Variants in SH3BP4 observed in about 807,000 individuals in gnomAD.
SH3BP4 encodes SH3 domain-binding protein 4.
Under a neutral mutation model 65.5 loss-of-function variants are expected in SH3BP4, and 33 were observed. The ratio of observed to expected loss-of-function variants is 0.50; its 90% CI spans 0.38 to 0.67. SH3BP4 has a LOEUF of 0.67. SH3BP4 is among the 30% of genes least tolerant of loss of function. SH3BP4 has a pLI of 0.00. For missense variants in SH3BP4, 1,134 were observed against 1,261.4 expected (o/e 0.90, Z 1.53); for synonymous variants, 552 against 545.5 (o/e 1.01, Z -0.17).
At chr2:235,020,245 C>T (rs1237750077) in intron 2 of SH3BP4, among the ~76,000 whole-genome samples, 1 of 152,132 alleles carries the variant, frequency 6.6e-6, no homozygotes, top group African/African-American at 2.4e-5. Context: ...GCCTATAATC[C>T]CAGCACTTTG....
At chr2:235,051,335 G>T (rs1386524249) in intron 4 of SH3BP4, among the ~76,000 whole-genome samples, 1 of 152,060 alleles carries the variant, frequency 6.6e-6, no homozygotes, top group Non-Finnish European at 1.5e-5. Context: ...CTTTAAACCA[G>T]AAGTGTGAGT....
intron 3 of SH3BP4, among the ~76,000 whole-genome samples, chr2:235,040,059 AC>A (rs560656732): frequency 3.3e-5 from 5 of 151,956 alleles, no homozygotes; most frequent in South Asian, 2.1e-4. Flanking sequence ...ACATGATGAA[AC>A]CCCATTTCTA....
rs184513586 is a variant in SH3BP4, at chr2:234,991,364, G to A, written c.-206-3939G>A. On this transcript the variant is annotated intron_variant, in intron 1 of 5. Coordinates refer to ENST00000392011, the MANE Select transcript of SH3BP4 (RefSeq NM_014521.3). This position sits in a 1 kb window ranked among gnomAD's most constrained non-coding sequence, Gnocchi z 4.2. Reference sequence around the variant, plus strand: ...CAACCATTGTTAAAACAGCTACTCAGATGGACAGAGTGACATAACTGCCCT... The same window carrying A: ...CAACCATTGTTAAAACAGCTACTCAAATGGACAGAGTGACATAACTGCCCT... Among the ~76,000 whole-genome samples, 195 of 152,328 alleles carry A rather than the reference G, an allele frequency of 1.3e-3. No homozygotes were observed. The highest frequency in any genetic ancestry group is 4.6e-3 in the African/African-American group (191 of 41,578).
chr2:234,965,626 A>G (rs1365462091), intron 1 of SH3BP4, among the ~76,000 whole-genome samples: 14 of 152,232 alleles, frequency 9.2e-5, no homozygotes, highest in Admixed American at 9.2e-4. Flanking sequence ...TTTTGTCATT[A>G]GTCAAATTGT....
chr2:234,999,193 G>T (rs768908364), intron 2 of SH3BP4, among the ~76,000 whole-genome samples: 2 of 152,202 alleles, frequency 1.3e-5, no homozygotes, highest in Non-Finnish European at 2.9e-5. Flanking sequence ...TAAGAACGGC[G>T]CCTGCCTTCT....
chr2:235,053,627 C>T lies in SH3BP4; in HGVS notation c.2703C>T (p.Thr901=). Residue 901 remains threonine (T), a synonymous_variant, in exon 6 of 6, where the codon ACC becomes ACT. Transcript: ENST00000392011. ...AGCCTGCGTATGACTTCTTACTCAC[C>T]TGGAGCCATCAGATCGGGGACAGCT... The part of the protein sequence containing the change: ...MWKPAYDFLL[T]WSHQIGDSYR... The T allele has an allele frequency of 1.2e-6, 2 of 1,614,162 alleles. No individual in the cohort carries two copies. Among genetic ancestry groups the T allele is most frequent in the Non-Finnish European group, 8.5e-7 (1 of 1,180,024 alleles).
chr2:235,022,632 C>T (rs940502239), intron 2 of SH3BP4, among the ~76,000 whole-genome samples: 4 of 152,158 alleles, frequency 2.6e-5, no homozygotes, highest in African/African-American at 4.8e-5. Context: ...CCCATCCCCT[C>T]GTTGTCAGAT....
rs1318212473 is a variant in SH3BP4 at position 235,055,637 on chromosome 2, T to G, written c.*1821T>G. ...TACAAAAGTTGCAGTAAATTTTATTTGGATATTTTAACCTGTTAAGTGTGT... is the reference window on the plus strand; with the variant it reads ...TACAAAAGTTGCAGTAAATTTTATTGGGATATTTTAACCTGTTAAGTGTGT... On this transcript the variant is annotated 3_prime_UTR_variant, in exon 6 of 6. Transcript: ENST00000392011. The G allele has an allele frequency of 6.6e-6, 1 of 152,660 alleles. No homozygotes were observed. The highest frequency in any genetic ancestry group is 1.9e-4 in the East Asian group (1 of 5,196). The allele number at this position is 152,660 out of a possible 1,614,324, so 9.5% of individuals were successfully genotyped here. A position where few individuals can be genotyped will look rare whatever the true frequency, so the allele number is the denominator to read the frequency against.
chr2:234,967,970 C>T lies in SH3BP4; in HGVS notation c.-207+15800C>T, dbSNP rs1023953029. On this transcript the variant is annotated intron_variant, in intron 1 of 5. Transcript: ENST00000392011. The surrounding 1 kb of genome is among the most constrained non-coding windows in gnomAD (Gnocchi z 4.6). ...GAAGCTCCCACCCAGATGGTGAAGG[C>T]ACCTGCTGGGTTTCCTGCCACCTGT... Among the ~76,000 whole-genome samples, 3 of 152,142 alleles carry T rather than the reference C, an allele frequency of 2.0e-5. No homozygotes were observed. Among genetic ancestry groups the T allele is most frequent in the Non-Finnish European group, 4.4e-5 (3 of 68,026 alleles).
chr2:235,020,982 AT>A (rs999020916), intron 2 of SH3BP4, among the ~76,000 whole-genome samples: 1 of 152,136 alleles, frequency 6.6e-6, no homozygotes, highest in Non-Finnish European at 1.5e-5. Context: ...TTATAAATAC[AT>A]TTTTGTTGGA....
chr2:235,042,488 C>T lies in SH3BP4; in HGVS notation c.1719C>T (p.Ile573=), dbSNP rs866361333. The part of the protein sequence containing the change: ...QLKLGKVSRL[I]FPITSQNPNE... ...AGCTGGGCAAGGTGAGCCGCCTGATCTTCCCCATCACCTCCCAGAACCCCA... is the reference window on the plus strand; with the variant it reads ...AGCTGGGCAAGGTGAGCCGCCTGATTTTCCCCATCACCTCCCAGAACCCCA... The change falls in exon 4 of 6, where the codon ATC becomes ATT. Residue 573 remains isoleucine (I), a synonymous_variant. Coordinates refer to ENST00000392011, the MANE Select transcript of SH3BP4 (RefSeq NM_014521.3). This position sits in a 1 kb window ranked among gnomAD's most constrained non-coding sequence, Gnocchi z 7.3. 20 of 1,614,212 alleles carry T rather than the reference C, an allele frequency of 1.2e-5. No individual in the cohort carries two copies. The highest frequency in any genetic ancestry group is 1.6e-5 in the Non-Finnish European group (19 of 1,180,042).
At chr2:234,996,270 G>A (rs1475947295) in intron 2 of SH3BP4, among the ~76,000 whole-genome samples, 1 of 152,168 alleles carries the variant, frequency 6.6e-6, no homozygotes, top group Non-Finnish European at 1.5e-5. Context: ...AATTTTAAAA[G>A]CCCTTCTAAA....
chr2:234,992,617 G>A (rs1028369338), intron 1 of SH3BP4, among the ~76,000 whole-genome samples: 1 of 150,076 alleles, frequency 6.7e-6, no homozygotes, highest in Non-Finnish European at 1.5e-5. Context: ...CTGCCGTGTG[G>A]CTCTGGGTCT....
intron 3 of SH3BP4, among the ~76,000 whole-genome samples, chr2:235,036,740 A>AAAAAAAAAAAAAAAATAATAATAAT (rs146049108): frequency 6.3e-5 from 9 of 141,772 alleles, no homozygotes; most frequent in South Asian, 2.3e-4. Flanking sequence ...TCTATATAAA[A>AAAAAAAAAAAAAAAATAATAATAAT]AATAATAATA....
At chr2:234,996,482 G>A (rs1367631113) in intron 2 of SH3BP4, among the ~76,000 whole-genome samples, 1 of 152,196 alleles carries the variant, frequency 6.6e-6, no homozygotes, top group Non-Finnish European at 1.5e-5. Context: ...AGTGACGTGA[G>A]GAATTCAGGA....
At chr2:234,986,578 G>A (rs1486731461) in intron 1 of SH3BP4, among the ~76,000 whole-genome samples, 1 of 152,074 alleles carries the variant, frequency 6.6e-6, no homozygotes, top group Non-Finnish European at 1.5e-5. Context: ...TGTTCTGTTT[G>A]TGTTTGTCGT....
rs1165118618 is a variant in SH3BP4, at chr2:234,978,957, G to A, written c.-206-16346G>A. On this transcript the variant is annotated intron_variant, in intron 1 of 5. Coordinates refer to ENST00000392011, the MANE Select transcript of SH3BP4 (RefSeq NM_014521.3). The surrounding 1 kb of genome is among the most constrained non-coding windows in gnomAD (Gnocchi z 4.1). ...CGAGGAGAGACAGCAGGATTTCTGG[G>A]TGCCGGACATGCTTCTCGGTCAGAG... The A allele has an allele frequency of 6.6e-6, 1 of 152,214 alleles. No individual in the cohort carries two copies. The highest frequency in any genetic ancestry group is 1.5e-5 in the Non-Finnish European group (1 of 68,090). The allele number at this position is 152,214 out of a possible 1,614,324, so 9.4% of individuals were successfully genotyped here. A position where few individuals can be genotyped will look rare whatever the true frequency, so the allele number is the denominator to read the frequency against.
At position 235,053,801 on chromosome 2, in the gene SH3BP4, C is replaced by T. The variant is rs373399841; in HGVS notation, c.2877C>T (p.Asp959=). The part of the protein sequence containing the change: ...RAAAFSPADQ[D]DFVI ...CCGCCTTCAGCCCTGCGGACCAGGA[C>T]GACTTCGTGATTTGAATGGGTCCCC... The change falls in exon 6 of 6, where the codon GAC becomes GAT. Residue 959 remains aspartate, a synonymous_variant. Coordinates refer to ENST00000392011, the MANE Select transcript of SH3BP4 (RefSeq NM_014521.3). 62 of 1,613,890 alleles carry T rather than the reference C, an allele frequency of 3.8e-5. No homozygotes were observed. In the East Asian group the frequency reaches 7.1e-4, roughly 19 times the overall value.
At chr2:235,053,460 G>A (rs779669861) in intron 5 of SH3BP4, 132 bp from the exon 6 acceptor site, 6 of 679,360 alleles carry the variant, frequency 8.8e-6, no homozygotes, top group Non-Finnish European at 1.0e-5. Context: ...CTGTGGGCTT[G>A]TCTCACTCGT....
Sources: allele counts gnomAD v4.1 joint callset (sites outside exome capture counted in the v4.1 genomes callset), GRCh38; gene constraint gnomAD v4.1.1; non-coding constraint Gnocchi (gnomAD v3.1); transcripts MANE v1.5; gene names NCBI Gene and HGNC (gene_info 2026-07-23, HGNC 2026-07-21).